Variants in CHIC2 observed in about 807,000 individuals in gnomAD.
CHIC2 encodes the protein cysteine-rich hydrophobic domain-containing protein 2.
CHIC2 carries 14 observed loss-of-function variants against 25.9 expected under a neutral mutation model. The ratio of observed to expected loss-of-function variants is 0.54; its 90% CI spans 0.36 to 0.85. The LOEUF (loss-of-function observed/expected upper bound fraction) is 0.85. Ranked by LOEUF, CHIC2 falls within the 40% of genes least tolerant of loss-of-function variation. CHIC2 has a pLI of 0.01. For synonymous variants in CHIC2, 70 were observed against 72.0 expected (o/e 0.97, Z 0.14); for missense variants, 146 against 202.0 (o/e 0.72, Z 1.68).
chr4:54,056,837 C>T (rs1577987219), intron 1 of CHIC2, among the ~76,000 whole-genome samples: 1 of 152,076 alleles, frequency 6.6e-6, no homozygotes, highest in Non-Finnish European at 1.5e-5. Context: ...TCTAATGAAT[C>T]ATGTACTGAG....
At chr4:54,033,216 C>T (rs1348096505) in intron 3 of CHIC2, among the ~76,000 whole-genome samples, 1 of 152,148 alleles carries the variant, frequency 6.6e-6, no homozygotes, top group Non-Finnish European at 1.5e-5. Flanking sequence ...AACAGACTAA[C>T]ATAGTCTTTT....
rs181632475 is a variant in CHIC2 at position 54,041,391 on chromosome 4, C to G, written c.330+7564G>C. 5.3e-5 allele frequency among the ~76,000 whole-genome samples: 8 copies of G among 152,068 alleles called. No homozygotes were observed. In the East Asian group the frequency reaches 1.5e-3, roughly 29 times the overall value. ...GATCGAGGGTTCTTAACATACAGTACCTAGACAGAATTCTGGGAATCTGTG... is the reference window on the plus strand; with the variant it reads ...GATCGAGGGTTCTTAACATACAGTAGCTAGACAGAATTCTGGGAATCTGTG... On this transcript the variant is annotated intron_variant, in intron 3 of 5. Transcript: ENST00000263921.
upstream of CHIC2, among the ~76,000 whole-genome samples, chr4:54,069,052 G>T (rs1320294776): frequency 6.6e-6 from 1 of 152,034 alleles, no homozygotes; most frequent in Non-Finnish European, 1.5e-5. Context: ...CAGTCCAATA[G>T]TTATTTATTT....
At chr4:54,088,542 G>C in the CHIC2 span, among the ~76,000 whole-genome samples, 1 of 152,186 alleles carries the variant, frequency 6.6e-6, no homozygotes, top group South Asian at 2.1e-4. Context: ...GTTCTCAACA[G>C]AGGGGAAGGC....
chr4:54,049,148 T>G, intron 2 of CHIC2, 38 bp from the exon 3 acceptor site: 1 of 1,576,810 alleles, frequency 6.3e-7, no homozygotes, highest in Non-Finnish European at 8.6e-7. Context: ...CAATGCAATA[T>G]TAATGTCAAA....
At chr4:54,086,846 G>C in the CHIC2 span, 1 of 525,626 alleles carries the variant, frequency 1.9e-6, no homozygotes, top group Non-Finnish European at 3.5e-6. Context: ...CATCCTGCAA[G>C]ATCTATAAGA....
chr4:54,072,490 C>T, the CHIC2 span, among the ~76,000 whole-genome samples: 3 of 152,142 alleles, frequency 2.0e-5, no homozygotes, highest in African/African-American at 7.2e-5. Context: ...AAACCATGTA[C>T]CAGTCTGCAT....
intron 3 of CHIC2, among the ~76,000 whole-genome samples, chr4:54,036,656 T>C (rs1716394307): frequency 6.6e-6 from 1 of 152,164 alleles, no homozygotes; most frequent in African/African-American, 2.4e-5. Context: ...TTTAAAAGAC[T>C]ATACTAAATG....
At chr4:54,084,983 C>CAAAAAAAAAAAAAAAAAAAAAAAAAAAA in the CHIC2 span, among the ~76,000 whole-genome samples, 15 of 106,748 alleles carry the variant, frequency 1.4e-4, no homozygotes, top group African/African-American at 4.9e-4. Flanking sequence ...AAAAAAAAAT[C>CAAAAAAAAAAAAAAAAAAAAAAAAAAAA]AAACAGGTAG....
At chr4:54,044,911 TAAAG>T (rs546219243) in intron 3 of CHIC2, among the ~76,000 whole-genome samples, 1,550 of 151,482 alleles carry the variant, frequency 0.01, 18 homozygotes, top group African/African-American at 0.035. Context: ...GCAAGACTAA[TAAAG>T]AAGAAAAGAG....
chr4:54,063,316 T>TTGTAATACTTTGTAATA (rs2110096535), intron 1 of CHIC2, among the ~76,000 whole-genome samples: 2 of 152,340 alleles, frequency 1.3e-5, no homozygotes, highest in East Asian at 3.9e-4. Context: ...ATGTAATACA[T>TTGTAATACTTTGTAATA]CAAGTGGTAC....
rs183549750 is a variant in CHIC2 at position 54,011,820 on chromosome 4, G to A, written c.448-1675C>T. ...TGAACAAAGAAAAGTTAGTGCCAAG[G>A]TGGAATATATATATATATATTTTTT... On this transcript the variant is annotated intron_variant, in intron 5 of 5. Coordinates refer to ENST00000263921, the MANE Select transcript of CHIC2 (RefSeq NM_012110.4). Among the ~76,000 whole-genome samples, 347 of 151,618 alleles carry A rather than the reference G, an allele frequency of 2.3e-3. 1 individual carries two copies. Among genetic ancestry groups the A allele is most frequent in the African/African-American group, 8.0e-3 (330 of 41,414 alleles).
At chr4:54,015,655 T>G (rs1283241518) in intron 3 of CHIC2, among the ~76,000 whole-genome samples, 1 of 152,098 alleles carries the variant, frequency 6.6e-6, no homozygotes, top group African/African-American at 2.4e-5. Flanking sequence ...AAGAACATGA[T>G]CTAACTGCTT....
At chr4:54,089,392 C>CATATATATATATATATATATATATATAT in the CHIC2 span, among the ~76,000 whole-genome samples, 5 of 145,144 alleles carry the variant, frequency 3.4e-5, no homozygotes, top group African/African-American at 1.3e-4. Flanking sequence ...CACCACATTC[C>CATATATATATATATATATATATATATAT]ATATATATAT....
Position 54,009,950 on chromosome 4 carries a change from T to C in CHIC2, c.*145A>G. On this transcript the variant is annotated 3_prime_UTR_variant, in exon 6 of 6. Coordinates refer to ENST00000263921, the MANE Select transcript of CHIC2 (RefSeq NM_012110.4). ...AAAATGCACACTTAGAACATGCGGT[T>C]ATTTAAAAAAAAAACAAAAACAAAA... 5.8e-6 allele frequency: 3 copies of C among 520,592 alleles called. No homozygotes were observed. In the South Asian group the frequency reaches 9.6e-5, roughly 17 times the overall value. 32.2% of individuals were successfully genotyped at this position (520,592 alleles called of 1,614,324 possible).
intron 5 of CHIC2, among the ~76,000 whole-genome samples, chr4:54,012,416 T>C (rs964982525): frequency 1.4e-4 from 21 of 152,194 alleles, no homozygotes; most frequent in Admixed American, 1.4e-3. Flanking sequence ...TGGAAGGTTA[T>C]AAATTATTTT....
the CHIC2 span, among the ~76,000 whole-genome samples, chr4:54,072,255 T>A: frequency 6.6e-6 from 1 of 151,794 alleles, no homozygotes; most frequent in Non-Finnish European, 1.5e-5. Context: ...TGAGCCGAGA[T>A]TGCGCCACTG....
At chr4:54,057,865 T>G (rs756687936) in intron 1 of CHIC2, among the ~76,000 whole-genome samples, 8 of 152,214 alleles carry the variant, frequency 5.3e-5, no homozygotes, top group Non-Finnish European at 1.0e-4. Flanking sequence ...CTTCTCTTAC[T>G]TTATATGCAG....
intron 3 of CHIC2, among the ~76,000 whole-genome samples, chr4:54,016,741 G>GGA (rs1193931207): frequency 6.6e-6 from 1 of 151,832 alleles, no homozygotes; most frequent in Non-Finnish European, 1.5e-5. Flanking sequence ...TTTACAGTGA[G>GGA]GAGCAGGTGA....
Sources: gnomAD v4.1 joint callset for allele counts (sites outside exome capture counted in the v4.1 genomes callset) on GRCh38, gnomAD v4.1.1 for gene constraint, MANE v1.5 for transcripts, NCBI Gene and HGNC (gene_info 2026-07-23, HGNC 2026-07-21) for gene names.